ENOX1: variants seen among roughly 807,000 people sequenced by gnomAD.
ENOX1 encodes the protein ecto-NOX disulfide-thiol exchanger 1, also known as candidate growth-related and time keeping constitutive hydroquinone (NADH) oxidase.
In ENOX1, 42 loss-of-function variants were observed where a neutral mutation model predicts 82.5. The observed-to-expected ratio is 0.51, with a 90% CI of 0.40 to 0.66. ENOX1 has a LOEUF of 0.66. Among genes scored for constraint, ENOX1 ranks in the 30% least tolerant of loss-of-function variants. The pLI is 0.00. For synonymous variants in ENOX1, 271 were observed against 282.2 expected (o/e 0.96, Z 0.40); for missense variants, 608 against 811.6 (o/e 0.75, Z 3.05).
At chr13:43,456,984 C>CTGTT (rs61511182) in intron 3 of ENOX1, among the ~76,000 whole-genome samples, 148,737 of 152,170 alleles carry the variant, frequency 0.98, 72,787 homozygotes, top group East Asian at 1. Flanking sequence ...AGCCTCTCCT[C>CTGTT]TGTTCTCTCA....
chr13:43,587,779 C>A (rs1593968570), intron 2 of ENOX1, among the ~76,000 whole-genome samples: 1 of 152,094 alleles, frequency 6.6e-6, no homozygotes, highest in East Asian at 1.9e-4. Flanking sequence ...TATGTGGGTA[C>A]ATAACAATTT....
chr13:43,754,274 CATAT>C, intron 1 of ENOX1, among the ~76,000 whole-genome samples: 1 of 145,792 alleles, frequency 6.9e-6, no homozygotes, highest in East Asian at 2.0e-4. Context: ...TACACACACA[CATAT>C]ATACATATAT....
intron 5 of ENOX1, among the ~76,000 whole-genome samples, chr13:43,395,943 C>A (rs890111863): frequency 6.6e-6 from 1 of 152,134 alleles, no homozygotes; most frequent in African/African-American, 2.4e-5. Flanking sequence ...ATTCAGAAAT[C>A]AGATAGAGCC....
At chr13:43,601,166 T>A (rs932300079) in intron 2 of ENOX1, among the ~76,000 whole-genome samples, 4 of 152,018 alleles carry the variant, frequency 2.6e-5, no homozygotes, top group African/African-American at 9.7e-5. Context: ...CAGAAAAACA[T>A]GACCTCACCA....
chr13:43,628,760 C>T (rs2083079331), intron 2 of ENOX1, among the ~76,000 whole-genome samples: 1 of 152,200 alleles, frequency 6.6e-6, no homozygotes, highest in Non-Finnish European at 1.5e-5. Context: ...CCTGACCTTG[C>T]TCCCATAGGG....
chr13:43,220,798 AG>A (rs1051193227), intron 16 of ENOX1, among the ~76,000 whole-genome samples: 1 of 152,220 alleles, frequency 6.6e-6, no homozygotes, highest in Non-Finnish European at 1.5e-5. Flanking sequence ...TTACTGTGAC[AG>A]GCTGCTCTTA....
At chr13:43,732,509 A>G (rs974196305) in intron 1 of ENOX1, among the ~76,000 whole-genome samples, 1 of 152,216 alleles carries the variant, frequency 6.6e-6, no homozygotes, top group Non-Finnish European at 1.5e-5. Flanking sequence ...ATATGTACCA[A>G]GTAATGGTGA....
At chr13:43,515,064 C>A (rs61959526) in intron 2 of ENOX1, among the ~76,000 whole-genome samples, 30,922 of 152,008 alleles carry the variant, frequency 0.2, 3,632 homozygotes, top group Middle Eastern at 0.28. Context: ...CAATATTAAC[C>A]CCACAGAAAG....
At chr13:43,316,025 C>T (rs184073968) in intron 11 of ENOX1, among the ~76,000 whole-genome samples, 15 of 152,302 alleles carry the variant, frequency 9.8e-5, no homozygotes, top group Non-Finnish European at 1.6e-4. Context: ...CAGGTCAAGG[C>T]GTCAGTGGCT....
intron 2 of ENOX1, among the ~76,000 whole-genome samples, chr13:43,563,527 G>C (rs1396293945): frequency 6.6e-6 from 1 of 151,862 alleles, no homozygotes; most frequent in Non-Finnish European, 1.5e-5. Flanking sequence ...AAATAATAGA[G>C]ACCAGAGCAG....
Position 43,443,687 on chromosome 13 carries a change from C to T in ENOX1, c.-74-30699G>A, listed in dbSNP as rs549171436. Among the ~76,000 whole-genome samples, 19 of 151,998 alleles carry T rather than the reference C, an allele frequency of 1.3e-4. No individual in the cohort carries two copies. In the South Asian group the frequency reaches 3.5e-3, roughly 28 times the overall value. On this transcript the variant is annotated intron_variant, in intron 3 of 16. Coordinates refer to ENST00000690772, the MANE Select transcript of ENOX1 (RefSeq NM_001347969.2). ...GGGAATAAGAGGCTTTGGCAGCACA[C>T]GGAGTAAAGAGCGAGGATCCTGGAA...
rs544445398 is a variant in ENOX1 at position 43,306,684 on chromosome 13, A to G, written c.1262-8154T>C. On this transcript the variant is annotated intron_variant, in intron 11 of 16. Transcript: ENST00000690772. Reference sequence around the variant, plus strand: ...ACTCCTCTCATTTTCTCACCAATCTACAGTATAAAAGCAGTGATCTCTTTT... The same window carrying G: ...ACTCCTCTCATTTTCTCACCAATCTGCAGTATAAAAGCAGTGATCTCTTTT... Among the ~76,000 whole-genome samples the G allele has an allele frequency of 1.8e-4, 28 of 152,314 alleles. No homozygotes were observed. In the South Asian group the frequency reaches 5.8e-3, roughly 32 times the overall value.
intron 1 of ENOX1, among the ~76,000 whole-genome samples, chr13:43,758,807 A>T (rs1383958215): frequency 6.6e-6 from 1 of 152,234 alleles, no homozygotes; most frequent in Non-Finnish European, 1.5e-5. Flanking sequence ...AATGATGTTT[A>T]CAGTATTCTT....
chr13:43,514,996 GGT>G (rs1215461995), intron 2 of ENOX1, among the ~76,000 whole-genome samples: 1 of 152,092 alleles, frequency 6.6e-6, no homozygotes, highest in African/African-American at 2.4e-5. Flanking sequence ...ACTTAGCTAT[GGT>G]AGCTTCATCA....
intron 5 of ENOX1, among the ~76,000 whole-genome samples, chr13:43,390,179 T>C (rs1464671100): frequency 2.6e-5 from 4 of 152,138 alleles, no homozygotes; most frequent in African/African-American, 9.7e-5. Flanking sequence ...TCAGTCAGTT[T>C]CACAATAATC....
At chr13:43,665,659 C>A (rs117222933) in intron 2 of ENOX1, among the ~76,000 whole-genome samples, 2 of 151,864 alleles carry the variant, frequency 1.3e-5, no homozygotes, top group African/African-American at 4.8e-5. Context: ...GATGCCAACA[C>A]AGACAGCAGT....
chr13:43,539,959 T>C (rs1418738496), intron 2 of ENOX1, among the ~76,000 whole-genome samples: 1 of 152,210 alleles, frequency 6.6e-6, no homozygotes, highest in Non-Finnish European at 1.5e-5. Flanking sequence ...TTAGTGTAGC[T>C]ACCATCACCC....
intron 1 of ENOX1, among the ~76,000 whole-genome samples, chr13:43,707,333 T>C (rs937902815): frequency 1.3e-5 from 2 of 152,154 alleles, no homozygotes; most frequent in Non-Finnish European, 2.9e-5. Context: ...CCAAAGTTGA[T>C]TTGTAGATTC....
chr13:43,392,220 T>C (rs1475817867), intron 5 of ENOX1, among the ~76,000 whole-genome samples: 2 of 152,226 alleles, frequency 1.3e-5, no homozygotes, highest in East Asian at 3.8e-4. Flanking sequence ...TAGTAATCAT[T>C]ACCATTTCTA....
Sources: gnomAD v4.1 joint callset for allele counts (sites outside exome capture counted in the v4.1 genomes callset) on GRCh38, gnomAD v4.1.1 for gene constraint, MANE v1.5 for transcripts, NCBI Gene and HGNC (gene_info 2026-07-23, HGNC 2026-07-21) for gene names.